Variants in RFX5 observed in about 807,000 individuals in gnomAD.
RFX5 encodes DNA-binding protein RFX5.
Under a neutral mutation model 41.2 loss-of-function variants are expected in RFX5, and 30 were observed. The ratio of observed to expected loss-of-function variants is 0.73; its 90% CI spans 0.54 to 0.99. The LOEUF is 0.99. RFX5 is among the 50% of genes least tolerant of loss of function. RFX5 has a pLI of 0.00. For missense variants in RFX5, 715 were observed against 773.6 expected (o/e 0.92, Z 0.90); for synonymous variants, 231 against 291.8 (o/e 0.79, Z 2.12).
rs778738723 is a variant in RFX5, at chr1:151,341,870, T to C, written c.*316A>G. 4.1e-6 allele frequency: 2 copies of C among 492,434 alleles called. No individual in the cohort carries two copies. The highest frequency in any genetic ancestry group is 7.6e-6 in the Non-Finnish European group (2 of 263,742). 30.5% of individuals were successfully genotyped at this position (492,434 alleles called of 1,614,324 possible). On this transcript the variant is annotated 3_prime_UTR_variant, in exon 11 of 11. Coordinates refer to ENST00000452671, the MANE Select transcript of RFX5 (RefSeq NM_001025603.2). ...TTAAGCCAGTTTGAATTAGGTTTTCTGTGATTTAAAACCAAAAGATCCCTA... is the reference window on the plus strand; with the variant it reads ...TTAAGCCAGTTTGAATTAGGTTTTCCGTGATTTAAAACCAAAAGATCCCTA...
rs2233854 is a variant in RFX5, at chr1:151,342,811, G to C, written c.1226C>G (p.Pro409Arg). The change falls in exon 11 of 11, where the codon CCC becomes CGC. Residue 409 changes from proline to arginine, a missense_variant. By Grantham distance (103) the Pro-to-Arg change is moderately radical (BLOSUM62 -2). Transcript: ENST00000452671. Reference protein sequence around the residue: ...GRAPPGGLTQPRGTENREVGI... With the variant: ...GRAPPGGLTQRRGTENREVGI... The stretch of plus-strand genomic sequence containing the variant: ...TACCTCTCTGTTCTCTGTGCCCCGG[G>C]GCTGAGTGAGTCCCCCAGGTGGAGC... The C allele has an allele frequency of 0.15, 243,629 of 1,614,066 alleles. 20,506 individuals carry two copies. The highest frequency in any genetic ancestry group is 0.18 in the Non-Finnish European group (206,780 of 1,179,986).
rs781483570 is a variant in RFX5, at chr1:151,342,521, C to T, written c.1516G>A (p.Gly506Arg). 5.0e-6 allele frequency: 8 copies of T among 1,613,980 alleles called. No homozygotes were observed. Among genetic ancestry groups the T allele is most frequent in the South Asian group, 2.2e-5 (2 of 91,088 alleles). ...SRLPWETWGSGGEGNSAGGAE... is the reference protein window; with the variant it reads ...SRLPWETWGSRGEGNSAGGAE... ...CCTCCAGCTGAGTTGCCTTCCCCTC[C>T]TGAGCCCCATGTCTCCCATGGTAAC... The change falls in exon 11 of 11, where the codon GGA becomes AGA. Residue 506 changes from glycine to arginine, a missense_variant. Physicochemically the swap from Gly to Arg is moderately radical, Grantham distance 125. Coordinates refer to ENST00000452671, the MANE Select transcript of RFX5 (RefSeq NM_001025603.2).
chr1:151,342,405 C>A lies in RFX5; in HGVS notation c.1632G>T (p.Arg544Ser). Residue 544 changes from arginine (R) to serine (S), a missense_variant, in exon 11 of 11, where the codon AGG becomes AGT. By Grantham distance (110) the Arg-to-Ser change is moderately radical (BLOSUM62 -1). Coordinates refer to ENST00000452671, the MANE Select transcript of RFX5 (RefSeq NM_001025603.2). ...QGDGTVSKGG[R>S]GPGSQHTKEA... ...CTTTGGTATGCTGGGAACCGGGGCC[C>A]CTTCCTCCTTTGGAAACAGTACCAT... 6.2e-7 allele frequency: 1 copy of A among 1,614,168 alleles called. No homozygotes were observed. The highest frequency in any genetic ancestry group is 8.5e-7 in the Non-Finnish European group (1 of 1,180,034).
chr1:151,343,351 T>C lies in RFX5; in HGVS notation c.849A>G (p.Arg283=). ...CCACTGACTTCCTTACCTGGGCCAG[T>C]CTCTCTGGCTTCTTGTGGGCTCCAC... ...PEGGAHKKPE[R]LAQPPKDLEA... Residue 283 remains arginine, a synonymous_variant, in exon 10 of 11, where the codon AGA becomes AGG. Transcript: ENST00000452671. 6.2e-7 allele frequency: 1 copy of C among 1,613,174 alleles called. No individual in the cohort carries two copies. The highest frequency in any genetic ancestry group is 8.5e-7 in the Non-Finnish European group (1 of 1,179,994).
rs1650781362 is a variant in RFX5, at chr1:151,344,186, T to C, written c.555+11A>G. 1.9e-6 allele frequency: 3 copies of C among 1,613,368 alleles called. No homozygotes were observed. The highest frequency in any genetic ancestry group is 1.7e-5 in the Admixed American group (1 of 60,004). ...GAGAAGAGTGGAATTGGAAGGTGAT[T>C]TGGTACTTACACTCTCAGAACCCTT... On this transcript the variant is annotated intron_variant, in intron 8 of 10. Coordinates refer to ENST00000452671, the MANE Select transcript of RFX5 (RefSeq NM_001025603.2).
chr1:151,345,825 C>A (rs1273322579), intron 4 of RFX5, 103 bp downstream of exon 4: 2 of 1,510,118 alleles, frequency 1.3e-6, no homozygotes, highest in Non-Finnish European at 1.8e-6. Context: ...AGGCAGAGGA[C>A]CCTACCTCTC....
chr1:151,345,153 C>T lies in RFX5; in HGVS notation c.186G>A (p.Leu62=). Residue 62 remains leucine, a synonymous_variant, in exon 5 of 11, where the codon CTG becomes CTA. Transcript: ENST00000452671. ...DVQKFSDNDK[L]YLYLQLPSGP... Reference sequence around the variant, plus strand: ...CTGAGGGGAGCTGAAGGTAGAGATACAGCTTGTCATTGTCAGAAAATTTCT... The same window carrying T: ...CTGAGGGGAGCTGAAGGTAGAGATATAGCTTGTCATTGTCAGAAAATTTCT... 1.2e-6 allele frequency: 2 copies of T among 1,614,018 alleles called. No individual in the cohort carries two copies. The highest frequency in any genetic ancestry group is 1.7e-6 in the Non-Finnish European group (2 of 1,179,930).
chr1:151,345,764 G>T (rs191603660), intron 4 of RFX5, among the ~76,000 whole-genome samples, 164 bp downstream of exon 4: 15 of 152,264 alleles, frequency 9.9e-5, no homozygotes, highest in Admixed American at 9.8e-4. Context: ...TCAAGTGAGA[G>T]GCACAAAGTC....
chr1:151,343,680 C>A lies in RFX5; in HGVS notation c.757+1G>T, dbSNP rs775183383. 6.2e-7 allele frequency: 1 copy of A among 1,613,782 alleles called. No homozygotes were observed. On this transcript the variant is annotated splice_donor_variant, in intron 9 of 10. Transcript: ENST00000452671. LOFTEE classifies it high-confidence loss of function. The stretch of plus-strand genomic sequence containing the variant: ...TGAGACATAAGAGAGGGTCAACACA[C>A]CAGCGAGCCCCATGGCCTTAAGCAC...
intron 5 of RFX5, 95 bp downstream of exon 5, chr1:151,345,011 G>A (rs2233848): frequency 2.6e-6 from 4 of 1,509,710 alleles, no homozygotes; most frequent in Admixed American, 1.7e-5. Context: ...ATCAAGGACA[G>A]CATTTACGAG....
At chr1:151,345,223 T>C in intron 4 of RFX5, 35 bp from the exon 5 acceptor site, 1 of 1,567,318 alleles carries the variant, frequency 6.4e-7, no homozygotes, top group Admixed American at 1.7e-5. Context: ...GGAGAAATAA[T>C]AAGGCCAAGA....
At chr1:151,347,183 A>G (rs927018015) in intron 1 of RFX5, 28 bp downstream of exon 1, 2 of 152,296 alleles carry the variant, frequency 1.3e-5, no homozygotes, top group Non-Finnish European at 2.9e-5. Context: ...ACAAGCAACA[A>G]TAAAGGTAAG....
Position 151,344,722 on chromosome 1 carries a change from A to ACCC in RFX5, c.353+3_353+5dup. 1.0e-6 allele frequency: 1 copy of ACCC among 964,438 alleles called. No individual in the cohort carries two copies. Among genetic ancestry groups the ACCC allele is most frequent in the Non-Finnish European group, 1.5e-6 (1 of 680,836 alleles). 59.7% of individuals were successfully genotyped at this position (964,438 alleles called of 1,614,324 possible). ...CACTCATCCCACCACCCACCCCTCC[A>ACCC]CCCACCGATAGGCATCATAAACACT... On this transcript the variant is annotated splice_donor_region_variant and intron_variant, in intron 6 of 10. Transcript: ENST00000452671.
rs1650603716 is a variant in RFX5, at chr1:151,342,910, G to T, written c.1127C>A (p.Ala376Glu). ...GATCATGTTAATGATGGGCACAGCTGCTGGGGGTGCCCCGGCCCTACTAGA... is the reference window on the plus strand; with the variant it reads ...GATCATGTTAATGATGGGCACAGCTTCTGGGGGTGCCCCGGCCCTACTAGA... ...PLSSRAGAPP[A>E]AVPIINMILP... The change falls in exon 11 of 11, where the codon GCA becomes GAA. Residue 376 changes from alanine (A) to glutamate (E), a missense_variant. Physicochemically the swap from Ala to Glu is moderately radical, Grantham distance 107 (BLOSUM62 -1). Transcript: ENST00000452671. 1.2e-6 allele frequency: 2 copies of T among 1,614,216 alleles called. No individual in the cohort carries two copies. The highest frequency in any genetic ancestry group is 2.2e-5 in the East Asian group (1 of 44,884).
At position 151,342,139 on chromosome 1, in the gene RFX5, G is replaced by A; in HGVS notation, c.*47C>T. ...CAAGTGCAAAGAAGGGCCTCTACTA[G>A]GCAAAGTTAACGTAGGGATATAAAC... On this transcript the variant is annotated 3_prime_UTR_variant, in exon 11 of 11. Transcript: ENST00000452671. The A allele has an allele frequency of 6.2e-7, 1 of 1,613,904 alleles. No individual in the cohort carries two copies.
intron 2 of RFX5, 40 bp downstream of exon 2, chr1:151,346,449 G>T: frequency 1.3e-6 from 1 of 757,106 alleles, no homozygotes. Context: ...CAGAAACAAA[G>T]CCTCCGAATT....
rs760628016 is a variant in RFX5, at chr1:151,343,030, G to C, written c.1007C>G (p.Ala336Gly). 4.3e-6 allele frequency: 7 copies of C among 1,613,486 alleles called. No individual in the cohort carries two copies. In the Admixed American group the frequency reaches 1.2e-4, roughly 27 times the overall value. The change falls in exon 11 of 11, where the codon GCC becomes GGC. Residue 336 changes from alanine (A) to glycine (G), a missense_variant. Ala to Gly is a moderately conservative substitution (Grantham distance 60, BLOSUM62 0). Transcript: ENST00000452671. ...VARLPLLLPR[A>G]PRSLIPPIPV... is the part of the protein sequence containing the mutation. ...GATTGGCGGAATTAGTGAGCGAGGG[G>C]CCCGGGGAAGGAGCAGAGGCAGCCG...
chr1:151,345,742 T>TG (rs1395714824), intron 4 of RFX5, among the ~76,000 whole-genome samples, 186 bp downstream of exon 4: 1 of 152,050 alleles, frequency 6.6e-6, no homozygotes, highest in Non-Finnish European at 1.5e-5. Context: ...TCTATGCAAG[T>TG]GCTCACAGAG....
intron 10 of RFX5, 31 bp from the exon 11 acceptor site, chr1:151,343,209 T>C (rs1650658285): frequency 1.2e-6 from 2 of 1,610,344 alleles, no homozygotes; most frequent in Non-Finnish European, 1.7e-6. Context: ...CACAGTAAGG[T>C]GTGAAGAATG....
Sources: gnomAD v4.1 joint callset for allele counts (sites outside exome capture counted in the v4.1 genomes callset) on GRCh38, gnomAD v4.1.1 for gene constraint, MANE v1.5 for transcripts, NCBI Gene and HGNC (gene_info 2026-07-23, HGNC 2026-07-21) for gene names.